FAM185A: variants seen among roughly 807,000 people sequenced by gnomAD.
The protein encoded by FAM185A is protein FAM185A.
FAM185A carries 21 observed loss-of-function variants against 45.7 expected under a neutral mutation model. The ratio of observed to expected loss-of-function variants is 0.46; its 90% confidence interval spans 0.33 to 0.66. FAM185A has a LOEUF of 0.66. FAM185A is among the 30% of genes least tolerant of loss of function. FAM185A has a pLI of 0.03. For missense variants in FAM185A, 305 were observed against 485.4 expected (o/e 0.63, Z 3.49); for synonymous variants, 117 against 194.0 (o/e 0.60, Z 3.30).
intron 7 of FAM185A, among the ~76,000 whole-genome samples, chr7:102,805,585 A>G (rs1323967964): frequency 2.6e-5 from 4 of 152,076 alleles, no homozygotes; most frequent in Non-Finnish European, 4.4e-5. Context: ...TGCAGTGTAT[A>G]CTCCTCAAGT....
the FAM185A span, chr7:102,822,032 A>G: frequency 1.2e-6 from 2 of 1,613,952 alleles, no homozygotes; most frequent in East Asian, 2.2e-5. Context: ...AGTCAGGTAC[A>G]TACTTACTTG....
the FAM185A span, among the ~76,000 whole-genome samples, chr7:102,820,463 T>C: frequency 6.6e-6 from 1 of 151,808 alleles, no homozygotes; most frequent in African/African-American, 2.4e-5. Flanking sequence ...CCTTGTTTTA[T>C]TTTTTTTGCA....
the FAM185A span, among the ~76,000 whole-genome samples, chr7:102,819,078 C>T: frequency 6.6e-6 from 1 of 152,078 alleles, no homozygotes; most frequent in Non-Finnish European, 1.5e-5. Context: ...TTGGATTAGC[C>T]TTTTCGCTAA....
At chr7:102,832,688 A>T in the FAM185A span, 8,797 of 905,274 alleles carry the variant, frequency 9.7e-3, 510 homozygotes, top group East Asian at 0.14. Context: ...ATCATAAGCT[A>T]TTTCCAATTT....
At chr7:102,783,252 G>T (rs1795534392) in intron 6 of FAM185A, among the ~76,000 whole-genome samples, 1 of 151,986 alleles carries the variant, frequency 6.6e-6, no homozygotes, top group Non-Finnish European at 1.5e-5. Flanking sequence ...GAGACAGAAA[G>T]TTAACAAGGA....
chr7:102,825,807 T>C, the FAM185A span, among the ~76,000 whole-genome samples: 609 of 152,350 alleles, frequency 4.0e-3, 5 homozygotes, highest in African/African-American at 0.014. Context: ...TTTCCCACAT[T>C]GTTTACTAGC....
intron 7 of FAM185A, among the ~76,000 whole-genome samples, chr7:102,799,464 G>A (rs1796643482): frequency 6.6e-6 from 1 of 152,172 alleles, no homozygotes; most frequent in Non-Finnish European, 1.5e-5. Context: ...AAGATCAGAT[G>A]GTACAAAGCA....
chr7:102,841,611 C>A, the FAM185A span, among the ~76,000 whole-genome samples: 1 of 152,222 alleles, frequency 6.6e-6, no homozygotes. Flanking sequence ...TGTCAAATCC[C>A]ACATCCTTTG....
Position 102,775,505 on chromosome 7 carries a change from C to T in FAM185A, c.836-1748C>T, listed in dbSNP as rs1795005766. On this transcript the variant is annotated intron_variant, in intron 5 of 7. Coordinates refer to ENST00000413034, the MANE Select transcript of FAM185A (RefSeq NM_001145268.2). ...TCATTTTTTTATTTTTTAACATCCT[C>T]CAAGGGATGAGCCATCATTAGAGAT... Among the ~76,000 whole-genome samples the T allele has an allele frequency of 2.0e-5, 3 of 152,054 alleles. No individual in the cohort carries two copies. The South Asian group carries it at 6.2e-4, about 31-fold the overall frequency.
At chr7:102,799,897 G>A (rs1305583137) in intron 7 of FAM185A, among the ~76,000 whole-genome samples, 4 of 152,098 alleles carry the variant, frequency 2.6e-5, no homozygotes, top group East Asian at 1.9e-4. Context: ...ACAGAGCAGC[G>A]TGTAGAGGCT....
intron 7 of FAM185A, among the ~76,000 whole-genome samples, chr7:102,794,281 A>G (rs1037142386): frequency 6.6e-6 from 1 of 152,146 alleles, no homozygotes; most frequent in South Asian, 2.1e-4. Context: ...CCAAATCCTT[A>G]TCCTAAGTGA....
chr7:102,831,394 G>GACAC, the FAM185A span, among the ~76,000 whole-genome samples: 30,631 of 141,414 alleles, frequency 0.22, 3,203 homozygotes, highest in Middle Eastern at 0.29. Flanking sequence ...CAGTGCCCGG[G>GACAC]ACACACACAC....
At chr7:102,820,962 A>C in the FAM185A span, among the ~76,000 whole-genome samples, 1 of 152,250 alleles carries the variant, frequency 6.6e-6, no homozygotes, top group Admixed American at 6.5e-5. Flanking sequence ...CTTGCCAGAA[A>C]GTCTCCATTC....
At chr7:102,763,691 C>T (rs148144106) in intron 4 of FAM185A, among the ~76,000 whole-genome samples, 6 of 152,204 alleles carry the variant, frequency 3.9e-5, no homozygotes, top group Admixed American at 1.3e-4. Flanking sequence ...TTCCCAAAGA[C>T]GGCTGACAGC....
downstream of FAM185A, among the ~76,000 whole-genome samples, chr7:102,812,197 A>G (rs920823635): frequency 7.9e-5 from 12 of 152,336 alleles, no homozygotes; most frequent in African/African-American, 2.9e-4. Flanking sequence ...GTGTTACATA[A>G]TATCAAATAA....
the FAM185A span, among the ~76,000 whole-genome samples, chr7:102,848,513 G>A: frequency 1.1e-4 from 4 of 36,366 alleles, no homozygotes; most frequent in South Asian, 4.1e-3. Context: ...CCGAGATTGC[G>A]CCACTGCACT....
the FAM185A span, among the ~76,000 whole-genome samples, chr7:102,835,815 T>C: frequency 6.6e-6 from 1 of 151,598 alleles, no homozygotes; most frequent in Non-Finnish European, 1.5e-5. Context: ...TTCACCGTTT[T>C]AGCCGGGATG....
At chr7:102,771,706 A>C (rs1342412932) in intron 4 of FAM185A, among the ~76,000 whole-genome samples, 1 of 152,208 alleles carries the variant, frequency 6.6e-6, no homozygotes, top group Non-Finnish European at 1.5e-5. Flanking sequence ...CAGTAGAATA[A>C]ATATGAGTTC....
At chr7:102,802,251 A>G (rs1368205632) in intron 7 of FAM185A, among the ~76,000 whole-genome samples, 1 of 152,224 alleles carries the variant, frequency 6.6e-6, no homozygotes, top group Non-Finnish European at 1.5e-5. Context: ...TCTATTCAAC[A>G]GCACATGGAA....
Sources: gnomAD v4.1 joint callset for allele counts (sites outside exome capture counted in the v4.1 genomes callset) on GRCh38, gnomAD v4.1.1 for gene constraint, MANE v1.5 for transcripts, NCBI Gene and HGNC (gene_info 2026-07-23, HGNC 2026-07-21) for gene names.